The following CCSER1 variants were observed in gnomAD, a reference collection of about 807,000 sequenced individuals.
The protein encoded by CCSER1 is coiled-coil serine rich protein 1.
In CCSER1, 41 loss-of-function variants were observed where a neutral mutation model predicts 82.0. The observed-to-expected ratio is 0.50, with a 90% CI of 0.39 to 0.65. The LOEUF is 0.65. Among genes scored for constraint, CCSER1 ranks in the 30% least tolerant of loss-of-function variants. The probability of loss-of-function intolerance (pLI) is 0.00; values close to 1 mark genes in which losing one functional copy is unlikely to be tolerated. For missense variants in CCSER1, 1,119 were observed against 1,064.2 expected (o/e 1.05, Z -0.72); for synonymous variants, 414 against 383.9 (o/e 1.08, Z -0.92).
intron 9 of CCSER1, among the ~76,000 whole-genome samples, chr4:91,036,123 GC>G (rs1741411196): frequency 6.6e-6 from 1 of 152,196 alleles, no homozygotes; most frequent in Non-Finnish European, 1.5e-5. Flanking sequence ...TATTTAGTGA[GC>G]TGAGGACAGA....
chr4:90,562,028 A>C (rs1454190020), intron 5 of CCSER1, among the ~76,000 whole-genome samples: 1 of 151,834 alleles, frequency 6.6e-6, no homozygotes, highest in Non-Finnish European at 1.5e-5. Flanking sequence ...GTCTCTACTA[A>C]ATATACCAAA....
chr4:91,154,694 TAGAA>T (rs1271542200), intron 10 of CCSER1, among the ~76,000 whole-genome samples: 1 of 152,082 alleles, frequency 6.6e-6, no homozygotes, highest in Non-Finnish European at 1.5e-5. Flanking sequence ...TTTAAAATGA[TAGAA>T]AGAAGTAAAC....
intron 8 of CCSER1, among the ~76,000 whole-genome samples, chr4:90,834,164 C>T (rs547586001): frequency 7.9e-5 from 12 of 152,200 alleles, no homozygotes; most frequent in South Asian, 2.1e-4. Context: ...AGGCAGTCCT[C>T]TGTAAGATTC....
intron 5 of CCSER1, among the ~76,000 whole-genome samples, chr4:90,590,063 C>T (rs1782507163): frequency 6.6e-6 from 1 of 152,058 alleles, no homozygotes; most frequent in Admixed American, 6.6e-5. Flanking sequence ...CACCTTAGGT[C>T]AGGAGTTCCA....
At chr4:91,406,010 C>T (rs1752677607) in intron 10 of CCSER1, among the ~76,000 whole-genome samples, 1 of 152,194 alleles carries the variant, frequency 6.6e-6, no homozygotes, top group East Asian at 1.9e-4. Context: ...GGAACTGCCT[C>T]CCGATATATG....
At chr4:90,223,991 G>T (rs755405361) in intron 1 of CCSER1, among the ~76,000 whole-genome samples, 7 of 152,184 alleles carry the variant, frequency 4.6e-5, no homozygotes, top group Non-Finnish European at 8.8e-5. Context: ...GTAAATATGT[G>T]TCGAATAACT....
intron 1 of CCSER1, among the ~76,000 whole-genome samples, chr4:90,181,842 CTT>C (rs1295957433): frequency 6.6e-6 from 1 of 152,146 alleles, no homozygotes. Flanking sequence ...CTTTATCTGT[CTT>C]TCTCTACTTT....
rs542175079 is a variant in CCSER1, at chr4:91,023,994, G to T, written c.2173-61956G>T. 1.1e-4 allele frequency among the ~76,000 whole-genome samples: 16 copies of T among 152,208 alleles called. No homozygotes were observed. In the East Asian group the frequency reaches 1.9e-3, roughly 18 times the overall value. ...GTGTCTGGGAAGTCCAAAGTCAAGG[G>T]GGTGCATCTGGTGAGAGCTGAAGGC... On this transcript the variant is annotated intron_variant, in intron 9 of 10. Transcript: ENST00000509176.
At chr4:91,304,844 T>C (rs1330637567) in intron 10 of CCSER1, among the ~76,000 whole-genome samples, 1 of 152,070 alleles carries the variant, frequency 6.6e-6, no homozygotes, top group Non-Finnish European at 1.5e-5. Context: ...TAAAAGAATG[T>C]TACTTAAATT....
intron 4 of CCSER1, among the ~76,000 whole-genome samples, chr4:90,413,665 T>C (rs768139005): frequency 6.0e-5 from 9 of 151,190 alleles, no homozygotes; most frequent in Non-Finnish European, 1.0e-4. Flanking sequence ...TAATAAAGAG[T>C]CCTAAATTAA....
At chr4:91,451,697 A>C (rs1755878927) in intron 10 of CCSER1, among the ~76,000 whole-genome samples, 1 of 152,074 alleles carries the variant, frequency 6.6e-6, no homozygotes, top group Admixed American at 6.6e-5. Context: ...ACCCAAATTT[A>C]ATTTCTAAAG....
chr4:90,367,771 G>A (rs1262142735), intron 3 of CCSER1, among the ~76,000 whole-genome samples: 2 of 152,014 alleles, frequency 1.3e-5, no homozygotes, highest in Admixed American at 1.3e-4. Flanking sequence ...GTTGAATGCA[G>A]AGGGAAGTAC....
intron 10 of CCSER1, among the ~76,000 whole-genome samples, chr4:91,422,960 G>A (rs553860547): frequency 5.3e-5 from 8 of 152,030 alleles, no homozygotes; most frequent in South Asian, 4.2e-4. Flanking sequence ...TAAATATAGC[G>A]TATTTGTGGT....
At chr4:91,150,430 G>A (rs1175960533) in intron 10 of CCSER1, among the ~76,000 whole-genome samples, 2 of 152,144 alleles carry the variant, frequency 1.3e-5, no homozygotes, top group Admixed American at 1.3e-4. Context: ...TGCAAACAGG[G>A]ACAATTTGAC....
intron 5 of CCSER1, among the ~76,000 whole-genome samples, chr4:90,558,128 G>A (rs1047283972): frequency 2.0e-5 from 3 of 152,092 alleles, no homozygotes; most frequent in Non-Finnish European, 4.4e-5. Context: ...AATGAAAAGC[G>A]TCTGAGACTA....
intron 9 of CCSER1, among the ~76,000 whole-genome samples, chr4:90,977,669 A>G (rs773199496): frequency 5.9e-5 from 9 of 151,614 alleles, no homozygotes; most frequent in Non-Finnish European, 1.3e-4. Context: ...TTGCTTTCTT[A>G]TAATTTGAAT....
intron 1 of CCSER1, among the ~76,000 whole-genome samples, chr4:90,137,719 A>G (rs1163866086): frequency 1.3e-5 from 2 of 152,166 alleles, no homozygotes; most frequent in African/African-American, 4.8e-5. Flanking sequence ...CTGCACAGTC[A>G]CCTTTGACGC....
At chr4:91,461,706 C>G (rs1426257384) in intron 10 of CCSER1, among the ~76,000 whole-genome samples, 1 of 152,086 alleles carries the variant, frequency 6.6e-6, no homozygotes, top group Non-Finnish European at 1.5e-5. Context: ...AGAAAAGTAG[C>G]TTTGAGTCAG....
intron 10 of CCSER1, among the ~76,000 whole-genome samples, chr4:91,280,648 C>G (rs1284686583): frequency 6.6e-6 from 1 of 152,098 alleles, no homozygotes; most frequent in African/African-American, 2.4e-5. Context: ...CAGACATAAA[C>G]AAGTGGTTTA....
Sources: allele counts gnomAD v4.1 joint callset (sites outside exome capture counted in the v4.1 genomes callset), GRCh38; gene constraint gnomAD v4.1.1; transcripts MANE v1.5; gene names NCBI Gene and HGNC (gene_info 2026-07-23, HGNC 2026-07-21).